Variants in RBFOX1 observed in about 807,000 individuals in gnomAD.
RBFOX1 encodes RNA binding fox-1 homolog 1, also known as RNA binding protein fox-1 homolog 1.
Under a neutral mutation model 57.7 loss-of-function variants are expected in RBFOX1, and 8 were observed. The ratio of observed to expected loss-of-function variants is 0.14; its 90% CI spans 0.08 to 0.25. The LOEUF (loss-of-function observed/expected upper bound fraction) is 0.25. Among genes scored for constraint, RBFOX1 ranks in the 10% least tolerant of loss-of-function variants. The pLI, the probability that RBFOX1 is intolerant of heterozygous loss-of-function variation, is 1.00. For synonymous variants in RBFOX1, 326 were observed against 222.4 expected, an observed-to-expected ratio of 1.47 and a Z score of -4.15; for missense variants, 611 against 548.5, an observed-to-expected ratio of 1.11 and a Z score of -1.14.
chr16:5,357,136 C>T (rs75739547), intron 1 of RBFOX1, among the ~76,000 whole-genome samples: 1,992 of 152,254 alleles, frequency 0.013, 24 homozygotes, highest in Admixed American at 0.034. Context: ...GTTGAGTGCA[C>T]CTCTTGGGCT....
intron 4 of RBFOX1, among the ~76,000 whole-genome samples, chr16:7,261,975 A>T (rs2094936121): frequency 1.3e-5 from 2 of 152,176 alleles, no homozygotes; most frequent in Admixed American, 6.5e-5. Context: ...TTGTTAAATC[A>T]TCCTAACTTT....
At chr16:7,339,781 A>G (rs537587502) in intron 4 of RBFOX1, among the ~76,000 whole-genome samples, 47 of 152,294 alleles carry the variant, frequency 3.1e-4, no homozygotes, top group Non-Finnish European at 5.7e-4. Context: ...GCGATGAAGA[A>G]AATTCTAAGT....
intron 1 of RBFOX1, among the ~76,000 whole-genome samples, chr16:5,250,647 G>A (rs2062427846): frequency 6.6e-6 from 1 of 152,108 alleles, no homozygotes; most frequent in South Asian, 2.1e-4. Context: ...TTCATTCTTC[G>A]GAAAGCCTGC....
At chr16:7,580,841 G>C (rs1040242371) in intron 6 of RBFOX1, among the ~76,000 whole-genome samples, 9 of 152,184 alleles carry the variant, frequency 5.9e-5, no homozygotes, top group African/African-American at 2.2e-4. Context: ...ATGATAGCAG[G>C]TGCCTCTGGA....
At chr16:5,551,602 C>T (rs775040640) in intron 2 of RBFOX1, among the ~76,000 whole-genome samples, 9 of 152,160 alleles carry the variant, frequency 5.9e-5, no homozygotes, top group African/African-American at 2.2e-4. Flanking sequence ...CACGGTGATT[C>T]GGTGTGTGTC....
At chr16:5,743,051 T>C (rs1901665062) in intron 3 of RBFOX1, among the ~76,000 whole-genome samples, 1 of 152,216 alleles carries the variant, frequency 6.6e-6, no homozygotes, top group African/African-American at 2.4e-5. Flanking sequence ...AGCCTGTTTT[T>C]TTTTCTCCAA....
At chr16:6,345,210 T>C (rs2085189250) in intron 2 of RBFOX1, among the ~76,000 whole-genome samples, 1 of 152,132 alleles carries the variant, frequency 6.6e-6, no homozygotes, top group Admixed American at 6.6e-5. Flanking sequence ...GGAGGGTTCT[T>C]GGCTTTACCC....
chr16:5,909,202 C>G (rs1461852001), intron 4 of RBFOX1, among the ~76,000 whole-genome samples: 1 of 149,348 alleles, frequency 6.7e-6, no homozygotes, highest in East Asian at 2.0e-4. Context: ...ACGCCATTCT[C>G]CTGCTTCAGC....
rs375270500 is a variant in RBFOX1 at position 5,565,280 on chromosome 16, C to T, written c.259-33622C>T. ...TGGTGTGTGTGTGTGCGTGTGTGCA[C>T]GTGCGTGCGTGTGTTCATGTGCATG... is the stretch of plus-strand genomic sequence containing the variant. On this transcript the variant is annotated intron_variant, in intron 2 of 2. Transcript: ENST00000585867. Among the ~76,000 whole-genome samples the T allele has an allele frequency of 4.1e-4, 62 of 152,162 alleles. No homozygotes were observed. The South Asian group carries it at 7.5e-3, about 18-fold the overall frequency.
intron 1 of RBFOX1, among the ~76,000 whole-genome samples, chr16:6,240,296 C>T (rs1006665184): frequency 6.6e-6 from 1 of 152,184 alleles, no homozygotes; most frequent in South Asian, 2.1e-4. Context: ...AGTGGCCTAA[C>T]ACGGTGTCCT....
intron 3 of RBFOX1, among the ~76,000 whole-genome samples, chr16:5,617,929 G>A (rs2048086299): frequency 6.6e-6 from 1 of 152,190 alleles, no homozygotes; most frequent in African/African-American, 2.4e-5. Context: ...GGAGGGTATT[G>A]TTCAAGCCAT....
intron 4 of RBFOX1, among the ~76,000 whole-genome samples, chr16:7,342,625 C>T (rs546384853): frequency 6.6e-6 from 1 of 152,222 alleles, no homozygotes; most frequent in East Asian, 1.9e-4. Flanking sequence ...GTGGAGATTC[C>T]TGGTGAGCAA....
Position 7,546,027 on chromosome 16 carries a change from A to AG in RBFOX1, c.270+27638_270+27639insG, listed in dbSNP as rs1555576514. Among the ~76,000 whole-genome samples the AG allele has an allele frequency of 4.6e-3, 697 of 150,536 alleles. 40 individuals are homozygous for AG. In the East Asian group the frequency reaches 0.1, roughly 22 times the overall value. On this transcript the variant is annotated intron_variant, in intron 5 of 15. Transcript: ENST00000550418. ...ACTCTGAGCTTATAAAAAAAAAAAA[A>AG]AAAGAAAAAGAAAATCAGGCCAGGC...
At chr16:7,132,320 A>G (rs1383859280) in intron 4 of RBFOX1, among the ~76,000 whole-genome samples, 2 of 151,910 alleles carry the variant, frequency 1.3e-5, no homozygotes, top group African/African-American at 4.8e-5. Context: ...TTATCTGTAT[A>G]TATTTTTAAT....
At chr16:5,661,571 A>G (rs905035486) in intron 3 of RBFOX1, among the ~76,000 whole-genome samples, 5 of 152,226 alleles carry the variant, frequency 3.3e-5, no homozygotes, top group African/African-American at 7.2e-5. Flanking sequence ...CAAAACTTGT[A>G]TATGTTTAAG....
intron 3 of RBFOX1, among the ~76,000 whole-genome samples, chr16:5,689,077 G>A (rs2050591315): frequency 6.6e-6 from 1 of 152,196 alleles, no homozygotes; most frequent in African/African-American, 2.4e-5. Context: ...GAACCAATAA[G>A]CCAAGGTCGG....
chr16:6,013,716 T>C (rs1024731590), intron 4 of RBFOX1, among the ~76,000 whole-genome samples: 4 of 152,312 alleles, frequency 2.6e-5, no homozygotes, highest in East Asian at 1.9e-4. Flanking sequence ...TATGGCTGCA[T>C]AGTATTCCAC....
At chr16:7,033,795 T>C (rs1269754992) in intron 3 of RBFOX1, among the ~76,000 whole-genome samples, 1 of 151,950 alleles carries the variant, frequency 6.6e-6, no homozygotes, top group Non-Finnish European at 1.5e-5. Context: ...TAGCAAAACC[T>C]CATCTCTACT....
At chr16:7,217,044 C>CCTCT (rs2092210843) in intron 4 of RBFOX1, among the ~76,000 whole-genome samples, 1 of 114,852 alleles carries the variant, frequency 8.7e-6, no homozygotes, top group Non-Finnish European at 1.7e-5. Flanking sequence ...TCCCTCCCTC[C>CCTCT]CTCCCTCCCT....
Sources: gnomAD v4.1 joint callset for allele counts (sites outside exome capture counted in the v4.1 genomes callset) on GRCh38, gnomAD v4.1.1 for gene constraint, MANE v1.5 for transcripts, NCBI Gene and HGNC (gene_info 2026-07-23, HGNC 2026-07-21) for gene names.